The following KLHL1 variants were observed in gnomAD, a reference collection of about 807,000 sequenced individuals.
The protein encoded by KLHL1 is kelch like family member 1, also known as kelch-like protein 1.
In KLHL1, 47 loss-of-function variants were observed where a neutral mutation model predicts 77.7. The ratio of observed to expected loss-of-function variants is 0.60; its 90% CI spans 0.48 to 0.77. The LOEUF is 0.77. Ranked by LOEUF, KLHL1 falls within the 30% of genes least tolerant of loss-of-function variation. The pLI is 0.00. For synonymous variants in KLHL1, 360 were observed against 325.2 expected, an observed-to-expected ratio of 1.11 and a Z score of -1.15; for missense variants, 925 against 910.8, an observed-to-expected ratio of 1.02 and a Z score of -0.20.
intron 7 of KLHL1, among the ~76,000 whole-genome samples, chr13:69,769,689 A>G (rs1259913764): frequency 6.6e-6 from 1 of 152,036 alleles, no homozygotes; most frequent in Non-Finnish European, 1.5e-5. Flanking sequence ...TCAGCCACAC[A>G]CACAGCTACC....
At chr13:70,045,190 T>A (rs902002846) in intron 1 of KLHL1, among the ~76,000 whole-genome samples, 1 of 152,112 alleles carries the variant, frequency 6.6e-6, no homozygotes, top group Admixed American at 6.6e-5. Context: ...AAGAAAAAAA[T>A]AGATTACTTT....
chr13:69,774,948 A>G (rs532211848), intron 7 of KLHL1, among the ~76,000 whole-genome samples: 2 of 152,256 alleles, frequency 1.3e-5, no homozygotes, highest in East Asian at 3.9e-4. Flanking sequence ...CATTTTTAAT[A>G]TTTCTTGAAC....
intron 1 of KLHL1, among the ~76,000 whole-genome samples, chr13:70,065,781 C>A (rs1886993609): frequency 6.6e-6 from 1 of 151,986 alleles, no homozygotes; most frequent in Non-Finnish European, 1.5e-5. Flanking sequence ...TTCAATGACA[C>A]CTGAACATCA....
At chr13:70,008,235 A>G (rs1885450857) in intron 1 of KLHL1, among the ~76,000 whole-genome samples, 1 of 152,000 alleles carries the variant, frequency 6.6e-6, no homozygotes, top group African/African-American at 2.4e-5. Context: ...TTTCTTTTGG[A>G]ATGTTTACAT....
intron 5 of KLHL1, among the ~76,000 whole-genome samples, chr13:69,879,683 CT>C (rs989116319): frequency 5.9e-5 from 9 of 152,102 alleles, no homozygotes; most frequent in Admixed American, 1.3e-4. Context: ...TTCAATTAAA[CT>C]TTTTTTTCAT....
At chr13:69,974,244 A>T (rs1374336651) in intron 2 of KLHL1, among the ~76,000 whole-genome samples, 1 of 151,256 alleles carries the variant, frequency 6.6e-6, no homozygotes, top group Admixed American at 6.6e-5. Context: ...ATAATAATGT[A>T]TTTAGTTTAA....
intron 9 of KLHL1, among the ~76,000 whole-genome samples, chr13:69,714,152 T>A (rs1172384114): frequency 6.6e-6 from 1 of 152,196 alleles, no homozygotes; most frequent in East Asian, 1.9e-4. Flanking sequence ...CTTCTCAATA[T>A]CTGTTGTTCA....
intron 7 of KLHL1, among the ~76,000 whole-genome samples, chr13:69,741,650 T>C (rs2137931334): frequency 6.6e-6 from 1 of 152,254 alleles, no homozygotes; most frequent in Non-Finnish European, 1.5e-5. Context: ...CTTCAGACAG[T>C]TTTGTCCTGT....
chr13:69,941,227 A>C (rs918828010), intron 3 of KLHL1, among the ~76,000 whole-genome samples: 1 of 152,030 alleles, frequency 6.6e-6, no homozygotes, highest in Admixed American at 6.6e-5. Context: ...TCAATTTAAG[A>C]AAATCAAAAC....
In KLHL1 at chr13:70,048,743, G is replaced by A. The variant is rs78086358; in HGVS notation, c.497+58460C>T. Among the ~76,000 whole-genome samples the A allele has an allele frequency of 9.9e-3, 1,503 of 152,294 alleles. 30 individuals are homozygous for A. Among genetic ancestry groups the A allele is most frequent in the African/African-American group, 0.034 (1,413 of 41,578 alleles). On this transcript the variant is annotated intron_variant, in intron 1 of 10. Transcript: ENST00000377844. Reference sequence around the variant, plus strand: ...GAGTTCAGGCAGTGATGCCAGCGATGGAGAGCAGTTGTAAATACAGATGAA... The same window carrying A: ...GAGTTCAGGCAGTGATGCCAGCGATAGAGAGCAGTTGTAAATACAGATGAA...
chr13:69,877,633 T>C (rs1024664594), intron 5 of KLHL1, among the ~76,000 whole-genome samples: 1 of 152,166 alleles, frequency 6.6e-6, no homozygotes, highest in Admixed American at 6.5e-5. Flanking sequence ...CATTCTTGGA[T>C]TATAACTCAG....
chr13:69,867,052 T>C (rs901103231), intron 5 of KLHL1, among the ~76,000 whole-genome samples: 6 of 152,102 alleles, frequency 3.9e-5, no homozygotes, highest in Non-Finnish European at 8.8e-5. Context: ...AGAGATAAAC[T>C]GTAGAATTAT....
chr13:69,843,595 A>C (rs1329275859), intron 5 of KLHL1, among the ~76,000 whole-genome samples: 1 of 151,740 alleles, frequency 6.6e-6, no homozygotes, highest in Non-Finnish European at 1.5e-5. Flanking sequence ...GTATTTTTAC[A>C]TAAATAGGAC....
chr13:70,060,090 C>A (rs1389458432), intron 1 of KLHL1, among the ~76,000 whole-genome samples: 3 of 152,092 alleles, frequency 2.0e-5, no homozygotes, highest in Admixed American at 6.5e-5. Context: ...ATCCAATAAT[C>A]TGATCAAATA....
intron 1 of KLHL1, among the ~76,000 whole-genome samples, chr13:70,022,246 C>G (rs2218245): frequency 2.0e-5 from 3 of 150,962 alleles, no homozygotes; most frequent in South Asian, 2.1e-4. Flanking sequence ...TCCCTCTTTG[C>G]TCTTTTTTCA....
At chr13:69,709,883 A>G (rs1875799618) in intron 9 of KLHL1, among the ~76,000 whole-genome samples, 4 of 142,720 alleles carry the variant, frequency 2.8e-5, no homozygotes, top group African/African-American at 9.7e-5. Flanking sequence ...TTTTTCTAGT[A>G]CAAATAACTT....
chr13:69,724,669 G>C (rs535430148), intron 8 of KLHL1, among the ~76,000 whole-genome samples: 1 of 152,038 alleles, frequency 6.6e-6, no homozygotes, highest in East Asian at 1.9e-4. Context: ...TTTATACCTA[G>C]GATGCAAGGA....
intron 5 of KLHL1, among the ~76,000 whole-genome samples, chr13:69,850,894 AT>A (rs557213566): frequency 1.3e-5 from 2 of 151,600 alleles, no homozygotes; most frequent in South Asian, 4.1e-4. Context: ...TTTGTCTTTA[AT>A]GTGGCTTTTT....
intron 4 of KLHL1, among the ~76,000 whole-genome samples, chr13:69,910,975 A>T (rs1451341128): frequency 6.6e-6 from 1 of 152,114 alleles, no homozygotes; most frequent in Non-Finnish European, 1.5e-5. Flanking sequence ...ATAGGCAAGA[A>T]TAATCTGCAG....
Sources: allele counts gnomAD v4.1 joint callset (sites outside exome capture counted in the v4.1 genomes callset), GRCh38; gene constraint gnomAD v4.1.1; transcripts MANE v1.5; gene names NCBI Gene and HGNC (gene_info 2026-07-23, HGNC 2026-07-21).